CNTN5: variants seen among roughly 807,000 people sequenced by gnomAD.
CNTN5 encodes contactin-5.
CNTN5 carries 77 observed loss-of-function variants against 129.1 expected under a neutral mutation model. That is an observed-to-expected ratio of 0.60 (90% CI 0.50 to 0.72). The LOEUF is 0.72. Among genes scored for constraint, CNTN5 ranks in the 30% least tolerant of loss-of-function variants. CNTN5 has a pLI of 0.00. For missense variants in CNTN5, 1,478 were observed against 1,328.8 expected (o/e 1.11, Z -1.75); for synonymous variants, 509 against 465.6 (o/e 1.09, Z -1.20).
intron 6 of CNTN5, among the ~76,000 whole-genome samples, chr11:99,904,696 A>G (rs1949450112): frequency 6.6e-6 from 1 of 152,164 alleles, no homozygotes; most frequent in Admixed American, 6.5e-5. Flanking sequence ...TTCTGGTTCT[A>G]GATCCCTCAG....
Position 100,025,519 on chromosome 11 carries a change from T to C in CNTN5, c.980+23383T>C, listed in dbSNP as rs574477668. Reference sequence around the variant, plus strand: ...GTTCACTGTCCTCTAGACCCCAGAATGATAGATCCACTGACAGCTTCCACC... The same window carrying C: ...GTTCACTGTCCTCTAGACCCCAGAACGATAGATCCACTGACAGCTTCCACC... On this transcript the variant is annotated intron_variant, in intron 9 of 24. Coordinates refer to ENST00000524871, the MANE Select transcript of CNTN5 (RefSeq NM_014361.4). Among the ~76,000 whole-genome samples the C allele has an allele frequency of 2.6e-5, 4 of 152,222 alleles. No individual in the cohort carries two copies. The East Asian group carries it at 5.8e-4, about 22-fold the overall frequency.
intron 3 of CNTN5, among the ~76,000 whole-genome samples, chr11:99,622,413 A>T (rs2135768652): frequency 1.3e-5 from 2 of 152,300 alleles, no homozygotes; most frequent in South Asian, 4.1e-4. Context: ...GTCTAAAGAG[A>T]TAATGAAAAA....
intron 6 of CNTN5, among the ~76,000 whole-genome samples, 179 bp downstream of exon 6, chr11:99,845,441 C>T (rs1947658265): frequency 8.1e-6 from 1 of 124,136 alleles, no homozygotes; most frequent in Middle Eastern, 7.8e-3. Flanking sequence ...GGCGGGATCT[C>T]GGCTCACTGC....
At chr11:99,435,575 G>A (rs1210401130) in intron 2 of CNTN5, among the ~76,000 whole-genome samples, 2 of 152,108 alleles carry the variant, frequency 1.3e-5, no homozygotes, top group Non-Finnish European at 2.9e-5. Context: ...ACAGCAAATG[G>A]GGCTTGAAAT....
intron 20 of CNTN5, among the ~76,000 whole-genome samples, chr11:100,305,493 C>T (rs1951328090): frequency 6.6e-6 from 1 of 151,636 alleles, no homozygotes; most frequent in African/African-American, 2.4e-5. Flanking sequence ...CAAATGTTGG[C>T]TTAAATTAAT....
intron 8 of CNTN5, among the ~76,000 whole-genome samples, chr11:99,978,661 G>A (rs1016785331): frequency 8.5e-5 from 13 of 152,330 alleles, no homozygotes; most frequent in African/African-American, 2.2e-4. Context: ...CCATATAGCC[G>A]AGGTATGAAG....
chr11:99,232,628 T>TTCGAA (rs1213431274), intron 1 of CNTN5, among the ~76,000 whole-genome samples: 1 of 152,192 alleles, frequency 6.6e-6, no homozygotes, highest in Admixed American at 6.5e-5. Flanking sequence ...TGTCTTCCTA[T>TTCGAA]TCGAATGCCC....
In CNTN5 at chr11:99,845,117, G is replaced by A. The variant is rs1297318469; in HGVS notation, c.432G>A (p.Leu144=). Residue 144 remains leucine (L), a synonymous_variant, in exon 6 of 25, where the codon CTG becomes CTA. Transcript: ENST00000524871. The part of the protein sequence containing the change: ...RWLRNGTEID[L]ESDYRYSLID... ...TTCGAAATGGAACAGAAATAGATCT[G>A]GAAAGTGATTATCGCTACAGTTTGA... 1 of 1,613,534 alleles carries A rather than the reference G, an allele frequency of 6.2e-7. No homozygotes were observed. The highest frequency in any genetic ancestry group is 1.7e-5 in the Admixed American group (1 of 59,968).
intron 7 of CNTN5, among the ~76,000 whole-genome samples, chr11:99,922,069 G>C (rs1166047403): frequency 1.3e-5 from 2 of 152,044 alleles, no homozygotes; most frequent in African/African-American, 4.8e-5. Flanking sequence ...CCTGATACCG[G>C]GTAATTTATA....
At chr11:100,128,633 G>A (rs1565267909) in intron 13 of CNTN5, among the ~76,000 whole-genome samples, 1 of 152,110 alleles carries the variant, frequency 6.6e-6, no homozygotes, top group East Asian at 1.9e-4. Flanking sequence ...TAGTAGAAAG[G>A]CACAGAGAGA....
chr11:100,001,156 T>A (rs1939847769), intron 8 of CNTN5, among the ~76,000 whole-genome samples: 1 of 151,828 alleles, frequency 6.6e-6, no homozygotes, highest in Admixed American at 6.6e-5. Flanking sequence ...GAAAATGGGG[T>A]TTTTCTTTTC....
chr11:99,333,755 A>C (rs902222981), intron 2 of CNTN5, among the ~76,000 whole-genome samples: 4 of 152,172 alleles, frequency 2.6e-5, no homozygotes, highest in Admixed American at 6.5e-5. Context: ...GAAATAACAG[A>C]GATGAATACA....
intron 13 of CNTN5, among the ~76,000 whole-genome samples, chr11:100,092,961 G>C (rs1008788184): frequency 6.6e-6 from 1 of 151,994 alleles, no homozygotes; most frequent in Non-Finnish European, 1.5e-5. Flanking sequence ...ATCCCTACTC[G>C]CCCTGGTTTT....
chr11:100,252,023 C>T (rs556043693), intron 16 of CNTN5, among the ~76,000 whole-genome samples: 9 of 152,246 alleles, frequency 5.9e-5, no homozygotes, highest in Non-Finnish European at 7.4e-5. Context: ...TACTAGTTTA[C>T]GTTCCCACCA....
intron 13 of CNTN5, among the ~76,000 whole-genome samples, chr11:100,084,402 A>G (rs1194227153): frequency 6.6e-6 from 1 of 152,176 alleles, no homozygotes; most frequent in Non-Finnish European, 1.5e-5. Context: ...CTGCTTAGAA[A>G]AAAAGCATTG....
At chr11:99,955,458 T>C (rs1286847690) in intron 7 of CNTN5, among the ~76,000 whole-genome samples, 1 of 152,186 alleles carries the variant, frequency 6.6e-6, no homozygotes, top group Non-Finnish European at 1.5e-5. Context: ...TATAAAACAA[T>C]TGTTAAAATA....
chr11:100,340,354 C>A, intron 21 of CNTN5, 109 bp from the exon 22 acceptor site: 1 of 724,282 alleles, frequency 1.4e-6, no homozygotes, highest in South Asian at 1.9e-5. Flanking sequence ...GGAGTGATTT[C>A]TTCCTATGGG....
chr11:99,775,357 G>GA (rs34054214), intron 3 of CNTN5, among the ~76,000 whole-genome samples: 66,552 of 151,592 alleles, frequency 0.44, 14,728 homozygotes, highest in Middle Eastern at 0.5. Flanking sequence ...ATTTCCTGGG[G>GA]ATAAATGGTT....
At chr11:100,251,122 T>C (rs554610686) in intron 16 of CNTN5, among the ~76,000 whole-genome samples, 86 of 152,290 alleles carry the variant, frequency 5.6e-4, no homozygotes, top group African/African-American at 2.1e-3. Flanking sequence ...AAACACTCTT[T>C]AGGCAAGTTC....
Sources: gnomAD v4.1 joint callset for allele counts (sites outside exome capture counted in the v4.1 genomes callset) on GRCh38, gnomAD v4.1.1 for gene constraint, MANE v1.5 for transcripts, NCBI Gene and HGNC (gene_info 2026-07-23, HGNC 2026-07-21) for gene names.